CPS1: variants seen among roughly 807,000 people sequenced by gnomAD.
The protein encoded by CPS1 is carbamoyl-phosphate synthase [ammonia], mitochondrial.
A neutral mutation model predicts 174.6 loss-of-function variants in CPS1; 109 were observed. The ratio of observed to expected loss-of-function variants is 0.62; its 90% CI spans 0.53 to 0.73. CPS1 has a LOEUF of 0.73. CPS1 is among the 30% of genes least tolerant of loss of function. CPS1 has a pLI of 0.00. For missense variants in CPS1, 1,689 were observed against 1,821.9 expected (o/e 0.93, Z 1.33); for synonymous variants, 637 against 632.0 (o/e 1.01, Z -0.12).
intron 6 of CPS1, among the ~76,000 whole-genome samples, chr2:210,586,594 C>G (rs1454978162): frequency 6.6e-6 from 1 of 152,028 alleles, no homozygotes; most frequent in African/African-American, 2.4e-5. Context: ...TCTGTTAAGT[C>G]CAAGCACAAA....
intron 1 of CPS1, among the ~76,000 whole-genome samples, chr2:210,571,508 A>G (rs1268943628): frequency 2.6e-5 from 4 of 151,984 alleles, no homozygotes; most frequent in Non-Finnish European, 4.4e-5. Flanking sequence ...CATCTTAAAC[A>G]TATCCTATCA....
chr2:210,614,415 A>G (rs939118785), intron 20 of CPS1, among the ~76,000 whole-genome samples: 1 of 152,000 alleles, frequency 6.6e-6, no homozygotes, highest in African/African-American at 2.4e-5. Context: ...GTATATACCC[A>G]GTAATGGGAT....
chr2:210,560,588 G>A (rs1697066544), intron 1 of CPS1, among the ~76,000 whole-genome samples: 1 of 152,084 alleles, frequency 6.6e-6, no homozygotes, highest in South Asian at 2.1e-4. Flanking sequence ...CTTCAGCTAC[G>A]AATGAGCACT....
chr2:210,531,640 G>A (rs1388890181), intron 1 of CPS1, among the ~76,000 whole-genome samples: 2 of 152,118 alleles, frequency 1.3e-5, no homozygotes, highest in Non-Finnish European at 2.9e-5. Flanking sequence ...ATCGGGAGGA[G>A]TTAATAGTAG....
intron 21 of CPS1, among the ~76,000 whole-genome samples, chr2:210,623,439 A>G (rs969541663): frequency 6.6e-6 from 1 of 151,484 alleles, no homozygotes; most frequent in Non-Finnish European, 1.5e-5. Context: ...TTTTTTTGCT[A>G]TCTTCACTCT....
intron 11 of CPS1, chr2:210,593,794 T>C (rs1443744997): frequency 4.3e-6 from 2 of 466,096 alleles, no homozygotes; most frequent in Non-Finnish European, 5.6e-6. Flanking sequence ...TAGGAAATAT[T>C]GGTTCTTAAT....
At chr2:210,544,636 G>A (rs1399322110) in intron 1 of CPS1, among the ~76,000 whole-genome samples, 1 of 151,996 alleles carries the variant, frequency 6.6e-6, no homozygotes, top group African/African-American at 2.4e-5. Flanking sequence ...GATTTAATTA[G>A]AATTTTCCTC....
At chr2:210,676,005 C>T (rs765029769) in intron 36 of CPS1, among the ~76,000 whole-genome samples, 165 bp downstream of exon 36, 11 of 152,210 alleles carry the variant, frequency 7.2e-5, no homozygotes, top group Non-Finnish European at 1.3e-4. Flanking sequence ...CTATGGAATA[C>T]ATAACGTCAT....
chr2:210,669,729 T>C (rs1032781671), intron 34 of CPS1, among the ~76,000 whole-genome samples: 1 of 152,142 alleles, frequency 6.6e-6, no homozygotes, highest in African/African-American at 2.4e-5. Context: ...GATAGACTCA[T>C]CATGTTATAA....
chr2:210,646,935 A>ATT (rs367904740), intron 25 of CPS1, among the ~76,000 whole-genome samples: 1 of 147,404 alleles, frequency 6.8e-6, no homozygotes, highest in Non-Finnish European at 1.5e-5. Flanking sequence ...TTAGTGGACT[A>ATT]TTTTTTTTTT....
chr2:210,495,120 G>A (rs1160940567), intron 1 of CPS1, among the ~76,000 whole-genome samples: 4 of 152,178 alleles, frequency 2.6e-5, no homozygotes, highest in African/African-American at 7.2e-5. Flanking sequence ...TGTGCAAGAA[G>A]CAGAACTTAA....
chr2:210,606,537 A>G (rs756304549), intron 17 of CPS1, among the ~76,000 whole-genome samples, 194 bp from the exon 18 acceptor site: 1 of 151,914 alleles, frequency 6.6e-6, no homozygotes, highest in Non-Finnish European at 1.5e-5. Context: ...GGGAAAGGTT[A>G]GAGAGGTTTC....
At chr2:210,617,207 AC>A (rs1699339620) in intron 21 of CPS1, among the ~76,000 whole-genome samples, 1 of 152,036 alleles carries the variant, frequency 6.6e-6, no homozygotes, top group Non-Finnish European at 1.5e-5. Context: ...CTGCTGGGGC[AC>A]CTTAGGCTGA....
intron 35 of CPS1, 32 bp from the exon 36 acceptor site, chr2:210,675,696 T>C: frequency 1.0e-6 from 1 of 960,088 alleles, no homozygotes; most frequent in Non-Finnish European, 1.7e-6. Flanking sequence ...ATCACTGTGA[T>C]ACGGTAATTG....
intron 1 of CPS1, among the ~76,000 whole-genome samples, chr2:210,498,841 C>G (rs140451043): frequency 6.6e-6 from 1 of 151,274 alleles, no homozygotes; most frequent in South Asian, 2.1e-4. Flanking sequence ...ACAGATAGGG[C>G]GGGAGAGCTC....
chr2:210,586,443 A>ATGAT (rs1345473148), intron 6 of CPS1, among the ~76,000 whole-genome samples: 3 of 152,060 alleles, frequency 2.0e-5, no homozygotes, highest in Non-Finnish European at 4.4e-5. Flanking sequence ...GTGATGATAG[A>ATGAT]TGATAGAATG....
At position 210,660,499 on chromosome 2, in the gene CPS1, C is replaced by T. The variant is rs749321214; in HGVS notation, c.3771C>T (p.Asn1257=). The T allele has an allele frequency of 6.2e-7, 1 of 1,614,096 alleles. No homozygotes were observed. Among genetic ancestry groups the T allele is most frequent in the Non-Finnish European group, 8.5e-7 (1 of 1,179,960 alleles). The change falls in exon 32 of 38, where the codon AAC becomes AAT. Residue 1257 remains asparagine, a synonymous_variant. Coordinates refer to ENST00000233072, the MANE Select transcript of CPS1 (RefSeq NM_001875.5). ...KGNDVLVIEC[N]LRASRSFPFV... is the part of the protein sequence containing the mutation. ...TATCTCTTCAGGTGATTGAGTGTAA[C>T]TTGAGAGCTTCTCGATCCTTCCCCT...
intron 1 of CPS1, among the ~76,000 whole-genome samples, chr2:210,542,292 A>T (rs1224218721): frequency 6.6e-6 from 1 of 152,066 alleles, no homozygotes; most frequent in Non-Finnish European, 1.5e-5. Flanking sequence ...ATGGTCACGG[A>T]TCTCAAATGG....
rs548201746 is a variant in CPS1 at position 210,675,763 on chromosome 2, C to T, written c.4197C>T (p.Asn1399=). ...FATEATSDWL[N]ANNVPATPVA... is the part of the protein sequence containing the mutation. ...CGGAAGCCACATCAGACTGGCTCAA[C>T]GCCAACAATGTCCCTGCCACCCCAG... The change falls in exon 36 of 38, where the codon AAC becomes AAT. Residue 1399 remains asparagine (N), a synonymous_variant. Coordinates refer to ENST00000233072, the MANE Select transcript of CPS1 (RefSeq NM_001875.5). The T allele has an allele frequency of 2.3e-5, 37 of 1,608,158 alleles. No homozygotes were observed. The highest frequency in any genetic ancestry group is 1.7e-4 in the Middle Eastern group (1 of 6,054).
Sources: gnomAD v4.1 joint callset for allele counts (sites outside exome capture counted in the v4.1 genomes callset) on GRCh38, gnomAD v4.1.1 for gene constraint, MANE v1.5 for transcripts, NCBI Gene and HGNC (gene_info 2026-07-23, HGNC 2026-07-21) for gene names.